GABPB1: variants seen among roughly 807,000 people sequenced by gnomAD.
GABPB1 encodes the protein GA-binding protein subunit beta-1.
A neutral mutation model predicts 45.9 loss-of-function variants in GABPB1; 15 were observed. That is an observed-to-expected ratio of 0.33 (90% CI 0.22 to 0.50). The LOEUF (loss-of-function observed/expected upper bound fraction) is 0.50, where lower values mean the gene tolerates loss of function less well. Among genes scored for constraint, GABPB1 ranks in the 20% least tolerant of loss-of-function variants. The pLI is 0.98. For synonymous variants in GABPB1, 143 were observed against 154.4 expected (o/e 0.93, Z 0.55); for missense variants, 252 against 457.5 (o/e 0.55, Z 4.10).
chr15:50,344,555 TAA>T (rs34779903), intron 1 of GABPB1, among the ~76,000 whole-genome samples: 4 of 151,980 alleles, frequency 2.6e-5, no homozygotes, highest in Non-Finnish European at 4.4e-5. Flanking sequence ...TGGGAGCCAA[TAA>T]AGAGTAAAAA....
chr15:50,327,067 A>G (rs1301358255), intron 1 of GABPB1: 1 of 152,108 alleles, frequency 6.6e-6, no homozygotes, highest in African/African-American at 2.4e-5. Flanking sequence ...AATCACATGA[A>G]TGTATCCCAG....
At chr15:50,291,232 C>T (rs1468234242) in intron 6 of GABPB1, among the ~76,000 whole-genome samples, 2 of 152,122 alleles carry the variant, frequency 1.3e-5, no homozygotes, top group Non-Finnish European at 1.5e-5. Context: ...AAACTGTACA[C>T]TTATAATCTA....
chr15:50,283,917 C>A (rs1350747205), intron 8 of GABPB1, among the ~76,000 whole-genome samples: 2 of 152,150 alleles, frequency 1.3e-5, no homozygotes, highest in African/African-American at 4.8e-5. Context: ...TTTTAAATTT[C>A]TTTAAGTTTC....
intron 1 of GABPB1, among the ~76,000 whole-genome samples, chr15:50,326,017 C>G (rs978749281): frequency 6.6e-6 from 1 of 151,892 alleles, no homozygotes; most frequent in African/African-American, 2.4e-5. Context: ...AAGCGATTCT[C>G]CTGCCTCAGC....
At chr15:50,300,429 GTTTTTGGTTT>G (rs1176082381) in intron 6 of GABPB1, among the ~76,000 whole-genome samples, 10 of 72,172 alleles carry the variant, frequency 1.4e-4, no homozygotes, top group Middle Eastern at 0.026. Flanking sequence ...ATCTGCAACT[GTTTTTGGTTT>G]TTTTTTTTTT....
intron 1 of GABPB1, chr15:50,348,838 G>A (rs1344073774): frequency 1.3e-5 from 2 of 151,978 alleles, no homozygotes; most frequent in Non-Finnish European, 2.9e-5. Context: ...TTCCAGCTTG[G>A]CGACAGAGTG....
intron 4 of GABPB1, among the ~76,000 whole-genome samples, chr15:50,302,331 G>T (rs1234466168): frequency 2.0e-5 from 3 of 151,958 alleles, no homozygotes; most frequent in Non-Finnish European, 2.9e-5. Flanking sequence ...GTATCAAAAT[G>T]CAACAAAAAT....
At chr15:50,335,770 C>A (rs896129609) in intron 1 of GABPB1, among the ~76,000 whole-genome samples, 5 of 151,748 alleles carry the variant, frequency 3.3e-5, no homozygotes, top group Non-Finnish European at 7.4e-5. Flanking sequence ...GTGGCATGCG[C>A]CTGTAATCCC....
chr15:50,332,175 C>T (rs915402937), intron 1 of GABPB1, among the ~76,000 whole-genome samples: 1 of 151,792 alleles, frequency 6.6e-6, no homozygotes, highest in African/African-American at 2.4e-5. Flanking sequence ...GTGCCCAGCC[C>T]CCTGTCCAGT....
intron 8 of GABPB1, among the ~76,000 whole-genome samples, chr15:50,281,260 G>A (rs2140963162): frequency 6.6e-6 from 1 of 152,206 alleles, no homozygotes; most frequent in South Asian, 2.1e-4. Context: ...TGCCCAGGCT[G>A]GAGTGCAGTG....
intron 6 of GABPB1, among the ~76,000 whole-genome samples, chr15:50,292,314 CAAAAAAAAAAAAAA>C (rs762047613): frequency 2.0e-5 from 1 of 49,570 alleles, no homozygotes; most frequent in African/African-American, 5.5e-5. Flanking sequence ...GACTCCATCT[CAAAAAAAAAAAAAA>C]AAAAAAAAAG....
intron 8 of GABPB1, among the ~76,000 whole-genome samples, chr15:50,280,969 G>C (rs1180300322): frequency 1.3e-5 from 2 of 152,122 alleles, no homozygotes; most frequent in East Asian, 3.9e-4. Flanking sequence ...AGCAAACCGA[G>C]TGAGGTAGTC....
chr15:50,300,482 A>G (rs1266103675), intron 6 of GABPB1, among the ~76,000 whole-genome samples: 1 of 111,622 alleles, frequency 9.0e-6, no homozygotes, highest in African/African-American at 3.5e-5. Context: ...TTGCTCTATC[A>G]CCCAGGCTGG....
intron 1 of GABPB1, among the ~76,000 whole-genome samples, chr15:50,326,140 C>G (rs1416294616): frequency 1.3e-5 from 2 of 151,748 alleles, no homozygotes; most frequent in African/African-American, 4.8e-5. Context: ...CCCCTGACAT[C>G]AGGTGATCCA....
intron 6 of GABPB1, among the ~76,000 whole-genome samples, chr15:50,292,049 T>C (rs1044673634): frequency 1.3e-5 from 2 of 151,866 alleles, no homozygotes; most frequent in Non-Finnish European, 2.9e-5. Context: ...AGATAAATCA[T>C]TGCGGCCGGG....
chr15:50,290,577 C>T (rs2046312274), intron 6 of GABPB1, among the ~76,000 whole-genome samples: 1 of 146,748 alleles, frequency 6.8e-6, no homozygotes, highest in African/African-American at 2.6e-5. Context: ...GGCAACAAAA[C>T]AAGACCCTGT....
intron 5 of GABPB1, 42 bp downstream of exon 5, chr15:50,301,215 C>G (rs1373713762): frequency 6.2e-7 from 1 of 1,612,302 alleles, no homozygotes; most frequent in Non-Finnish European, 8.5e-7. Context: ...ATATGCATCT[C>G]AATACCTGTT....
At chr15:50,351,997 G>C (rs2048851373) in intron 1 of GABPB1, 1 of 152,206 alleles carries the variant, frequency 6.6e-6, no homozygotes, top group South Asian at 2.1e-4. Flanking sequence ...AGGAAACTAA[G>C]TTGCTCTCAA....
intron 1 of GABPB1, among the ~76,000 whole-genome samples, chr15:50,335,606 G>C (rs904885421): frequency 3.9e-5 from 6 of 152,104 alleles, no homozygotes; most frequent in Non-Finnish European, 7.4e-5. Context: ...TCTTCAAAAA[G>C]AAGACTGGTC....
Sources: allele counts gnomAD v4.1 joint callset (sites outside exome capture counted in the v4.1 genomes callset), GRCh38; gene constraint gnomAD v4.1.1; transcripts MANE v1.5; gene names NCBI Gene and HGNC (gene_info 2026-07-23, HGNC 2026-07-21).